Variants in EHBP1 observed in about 807,000 individuals in gnomAD.
EHBP1 encodes the protein EH domain-binding protein 1.
A neutral mutation model predicts 144.0 loss-of-function variants in EHBP1; 55 were observed. The ratio of observed to expected loss-of-function variants is 0.38; its 90% CI spans 0.31 to 0.48. EHBP1 has a LOEUF of 0.48. Among genes scored for constraint, EHBP1 ranks in the 20% least tolerant of loss-of-function variants. EHBP1 has a pLI of 0.98. For synonymous variants in EHBP1, 469 were observed against 472.7 expected, an observed-to-expected ratio of 0.99 and a Z score of 0.10; for missense variants, 1,200 against 1,364.2, an observed-to-expected ratio of 0.88 and a Z score of 1.90.
At chr2:62,850,713 T>C (rs1275818454) in intron 7 of EHBP1, among the ~76,000 whole-genome samples, 1 of 152,146 alleles carries the variant, frequency 6.6e-6, no homozygotes, top group Non-Finnish European at 1.5e-5. Flanking sequence ...GTAGTACTTT[T>C]GGTCAGGGTA....
chr2:62,916,838 A>G (rs898589641), intron 10 of EHBP1, among the ~76,000 whole-genome samples: 2 of 150,106 alleles, frequency 1.3e-5, no homozygotes, highest in Non-Finnish European at 3.0e-5. Flanking sequence ...TTAAAATATA[A>G]ATATATTCAT....
chr2:62,838,316 C>T (rs1041127436), intron 7 of EHBP1, among the ~76,000 whole-genome samples: 2 of 152,116 alleles, frequency 1.3e-5, no homozygotes, highest in East Asian at 3.9e-4. Flanking sequence ...CAACATACCA[C>T]AATCTCTGGG....
intron 3 of EHBP1, among the ~76,000 whole-genome samples, chr2:62,760,972 C>T (rs1270009610): frequency 6.6e-6 from 1 of 152,142 alleles, no homozygotes; most frequent in Non-Finnish European, 1.5e-5. Flanking sequence ...TCAGTGATTA[C>T]ACTCTTTTTC....
At chr2:62,688,280 AC>A (rs1433341610) in intron 1 of EHBP1, among the ~76,000 whole-genome samples, 3 of 152,226 alleles carry the variant, frequency 2.0e-5, no homozygotes, top group Non-Finnish European at 4.4e-5. Flanking sequence ...CTCAGAAGCA[AC>A]AGAAAGGGAG....
intron 10 of EHBP1, among the ~76,000 whole-genome samples, chr2:62,923,669 G>A (rs1225100977): frequency 6.6e-6 from 1 of 152,074 alleles, no homozygotes; most frequent in African/African-American, 2.4e-5. Flanking sequence ...CCAGGCCTGA[G>A]AGGCAATCTT....
At chr2:62,992,234 G>A (rs1445913966) in intron 16 of EHBP1, among the ~76,000 whole-genome samples, 2 of 151,912 alleles carry the variant, frequency 1.3e-5, no homozygotes, top group Non-Finnish European at 2.9e-5. Flanking sequence ...CTATTGGATA[G>A]TTATATAACA....
At chr2:62,931,112 A>C (rs2055951992) in intron 10 of EHBP1, among the ~76,000 whole-genome samples, 1 of 152,240 alleles carries the variant, frequency 6.6e-6, no homozygotes, top group East Asian at 1.9e-4. Flanking sequence ...AGGATATTTT[A>C]AAATAACATA....
chr2:62,690,995 A>G (rs1341340158), intron 1 of EHBP1, among the ~76,000 whole-genome samples: 1 of 152,242 alleles, frequency 6.6e-6, no homozygotes, highest in Non-Finnish European at 1.5e-5. Flanking sequence ...TTGGAAGATC[A>G]AATCAAGAGC....
intron 3 of EHBP1, among the ~76,000 whole-genome samples, chr2:62,751,794 G>A (rs190154402): frequency 6.6e-6 from 1 of 152,282 alleles, no homozygotes; most frequent in African/African-American, 2.4e-5. Flanking sequence ...AGTATTCTCT[G>A]ATGGTAGTTT....
At chr2:62,986,443 CTTTT>C (rs397869234) in intron 15 of EHBP1, among the ~76,000 whole-genome samples, 3 of 135,662 alleles carry the variant, frequency 2.2e-5, no homozygotes, top group African/African-American at 2.7e-5. Context: ...TTCTTTTTTC[CTTTT>C]TTTTTTTTTT....
At chr2:62,745,301 GTA>G (rs1250697923) in intron 2 of EHBP1, among the ~76,000 whole-genome samples, 1 of 150,374 alleles carries the variant, frequency 6.7e-6, no homozygotes, top group Non-Finnish European at 1.5e-5. Flanking sequence ...AATGCAAGGT[GTA>G]TAGAGTATTA....
At chr2:62,785,916 CA>C (rs1257573669) in intron 5 of EHBP1, among the ~76,000 whole-genome samples, 2 of 152,088 alleles carry the variant, frequency 1.3e-5, no homozygotes, top group Non-Finnish European at 2.9e-5. Flanking sequence ...ATCCTTTCCT[CA>C]TCCATCAGAG....
chr2:62,683,330 C>T (rs1029906837), intron 1 of EHBP1, among the ~76,000 whole-genome samples: 4 of 152,150 alleles, frequency 2.6e-5, no homozygotes, highest in African/African-American at 9.7e-5. Flanking sequence ...TGGCTTGGGT[C>T]ATGTGCCCTT....
chr2:62,975,423 T>A (rs2058667922), intron 14 of EHBP1, among the ~76,000 whole-genome samples: 1 of 152,212 alleles, frequency 6.6e-6, no homozygotes, highest in South Asian at 2.1e-4. Flanking sequence ...GGATGAGCGA[T>A]AACTGTTGTG....
intron 5 of EHBP1, among the ~76,000 whole-genome samples, chr2:62,819,686 C>A (rs895039248): frequency 7.9e-5 from 12 of 151,866 alleles, no homozygotes; most frequent in African/African-American, 2.9e-4. Flanking sequence ...ATTGCTTGAA[C>A]CCAGGAGGTG....
intron 7 of EHBP1, among the ~76,000 whole-genome samples, chr2:62,854,207 C>T (rs995504211): frequency 6.6e-6 from 1 of 152,190 alleles, no homozygotes; most frequent in African/African-American, 2.4e-5. Flanking sequence ...TAGGATTTGG[C>T]TTAAGGGAAT....
intron 7 of EHBP1, among the ~76,000 whole-genome samples, chr2:62,839,519 G>A (rs1164986912): frequency 2.7e-5 from 4 of 149,218 alleles, no homozygotes; most frequent in Admixed American, 6.7e-5. Flanking sequence ...AGGAAATAAA[G>A]GGTATTCAAT....
intron 5 of EHBP1, among the ~76,000 whole-genome samples, chr2:62,823,645 A>G (rs990849747): frequency 4.6e-5 from 7 of 152,014 alleles, no homozygotes; most frequent in Non-Finnish European, 8.8e-5. Flanking sequence ...AAATTCATGG[A>G]GTGGGGTTAG....
chr2:62,955,536 A>T lies in EHBP1; in HGVS notation c.2336A>T (p.Gln779Leu), dbSNP rs769484133. The T allele has an allele frequency of 4.3e-6, 7 of 1,611,842 alleles. No homozygotes were observed. Among genetic ancestry groups the T allele is most frequent in the Non-Finnish European group, 5.9e-6 (7 of 1,178,794 alleles). Residue 779 changes from glutamine to leucine, a missense_variant, in exon 14 of 23, where the codon CAA becomes CTA. By Grantham distance (113) the Gln-to-Leu change is moderately radical (BLOSUM62 -2). Around this residue, in one of 6 missense-constraint regions of EHBP1, gnomAD observed 543 missense variants for 513.1 expected, o/e 1.06. Transcript: ENST00000431489. ...TTTAAGCATCGATTGTTATCTAGAC[A>T]AGAAGAACTTAAGGAAAGAGCAAGA... ...KIVQHRLLSR[Q>L]EELKERARVL...
Sources: allele counts gnomAD v4.1 joint callset (sites outside exome capture counted in the v4.1 genomes callset), GRCh38; gene constraint gnomAD v4.1.1; regional missense constraint gnomAD v4.1.1; transcripts MANE v1.5; gene names NCBI Gene and HGNC (gene_info 2026-07-23, HGNC 2026-07-21).